HSPB2: variants seen among roughly 807,000 people sequenced by gnomAD.
The protein encoded by HSPB2 is heat shock protein beta-2.
Under a neutral mutation model 14.1 loss-of-function variants are expected in HSPB2, and 14 were observed. The observed-to-expected ratio is 0.99, with a 90% CI of 0.66 to 1.55. The LOEUF is 1.55. HSPB2 is among the 40% of genes most tolerant of loss of function. The pLI is 0.00. For synonymous variants in HSPB2, 110 were observed against 103.4 expected (o/e 1.06, Z -0.39); for missense variants, 242 against 241.7 (o/e 1.00, Z -0.01).
At position 111,913,485 on chromosome 11, in the gene HSPB2, T is replaced by C. The variant is rs1965536474; in HGVS notation, c.139T>C (p.Tyr47His). The C allele has an allele frequency of 6.2e-7, 1 of 1,612,928 alleles. No homozygotes were observed. Among genetic ancestry groups the C allele is most frequent in the African/African-American group, 1.3e-5 (1 of 74,924 alleles). The change falls in exon 2 of 2, where the codon TAC becomes CAC. Residue 47 changes from tyrosine (Y) to histidine (H), a missense_variant. By Grantham distance (83) the Tyr-to-His change is moderately conservative. Coordinates refer to ENST00000304298, the MANE Select transcript of HSPB2 (RefSeq NM_001541.4). ...EILTPTLYHGYYVRPRAAPAG... is the reference protein window; with the variant it reads ...EILTPTLYHGHYVRPRAAPAG... ...CCTGACCCCCACACTCTACCATGGC[T>C]ACTATGTCCGGCCTCGGGCCGCCCC...
Position 111,912,785 on chromosome 11 carries a change from G to C in HSPB2, c.-45G>C. The C allele has an allele frequency of 6.7e-7, 1 of 1,500,188 alleles. No individual in the cohort carries two copies. The highest frequency in any genetic ancestry group is 9.1e-7 in the Non-Finnish European group (1 of 1,098,174). 92.9% of individuals were successfully genotyped at this position (1,500,188 alleles called of 1,614,324 possible). ...CAGCTGGAGGGGTCGCGCTGCGCCTGTTGGGGCTGCACCTCGGACCAGGGC... is the reference window on the plus strand; with the variant it reads ...CAGCTGGAGGGGTCGCGCTGCGCCTCTTGGGGCTGCACCTCGGACCAGGGC... On this transcript the variant is annotated 5_prime_UTR_variant, in exon 1 of 2. Transcript: ENST00000304298.
In HSPB2 at chr11:111,913,727, C is replaced by A; in HGVS notation, c.381C>A (p.Val127=). Residue 127 remains valine (V), a synonymous_variant, in exon 2 of 2, where the codon GTC becomes GTA. Coordinates refer to ENST00000304298, the MANE Select transcript of HSPB2 (RefSeq NM_001541.4). ...GCACCTATGTCCTGCCTGCTGATGTCGACCCCTGGCGAGTCCGAGCTGCTC... is the reference window on the plus strand; with the variant it reads ...GCACCTATGTCCTGCCTGCTGATGTAGACCCCTGGCGAGTCCGAGCTGCTC... The part of the protein sequence containing the change: ...FCRTYVLPAD[V]DPWRVRAALS... 6.2e-7 allele frequency: 1 copy of A among 1,614,114 alleles called. No individual in the cohort carries two copies. The highest frequency in any genetic ancestry group is 1.1e-5 in the South Asian group (1 of 91,078).
intron 1 of HSPB2, 84 bp from the exon 2 acceptor site, chr11:111,913,357 C>A: frequency 1.9e-6 from 2 of 1,066,038 alleles, no homozygotes; most frequent in Non-Finnish European, 2.8e-6. Flanking sequence ...TCTTCCCAAT[C>A]CCTCCTCTCC....
At position 111,913,965 on chromosome 11, in the gene HSPB2, T is replaced by C. The variant is rs951474582; in HGVS notation, c.*70T>C. ...GGTGATATGGGCAGCTGCCCACCAC[T>C]CCAGAGGTAGCAGCATCCTTGGGGG... On this transcript the variant is annotated 3_prime_UTR_variant, in exon 2 of 2. Coordinates refer to ENST00000304298, the MANE Select transcript of HSPB2 (RefSeq NM_001541.4). 26 of 1,324,336 alleles carry C rather than the reference T, an allele frequency of 2.0e-5. No individual in the cohort carries two copies. Among genetic ancestry groups the C allele is most frequent in the Non-Finnish European group, 2.7e-5 (26 of 964,238 alleles). 82.0% of individuals were successfully genotyped at this position (1,324,336 alleles called of 1,614,324 possible). A position where few individuals can be genotyped will look rare whatever the true frequency, so the allele number is the denominator to read the frequency against.
chr11:111,913,175 C>G (rs1965525164), intron 1 of HSPB2: 2 of 604,148 alleles, frequency 3.3e-6, no homozygotes, highest in African/African-American at 1.9e-5. Context: ...TCCTTGTCCC[C>G]CTTCTATCCA....
intron 1 of HSPB2, 29 bp from the exon 2 acceptor site, chr11:111,913,412 C>A: frequency 6.4e-7 from 1 of 1,552,114 alleles, no homozygotes; most frequent in Non-Finnish European, 8.8e-7. Context: ...CTCCCTCATC[C>A]TGCCTCTTGC....
rs781972879 is a variant in HSPB2, at chr11:111,912,891, C to T, written c.62C>T (p.Pro21Leu). 3.1e-6 allele frequency: 5 copies of T among 1,609,422 alleles called. No individual in the cohort carries two copies. In the Admixed American group the frequency reaches 8.4e-5, roughly 27 times the overall value. ...ACCGCCGAGTACGAATTTGCCAACC[C>T]GAGCCGCCTGGGTGAGCAGCGCTTC... ...PATAEYEFAN[P>L]SRLGEQRFGE... The change falls in exon 1 of 2, where the codon CCG becomes CTG. Residue 21 changes from proline to leucine, a missense_variant. Pro to Leu is a moderately conservative substitution (Grantham distance 98). Transcript: ENST00000304298.
rs1168952437 is a variant in HSPB2 at position 111,914,038 on chromosome 11, A to G, written c.*143A>G. 6.6e-6 allele frequency: 5 copies of G among 757,680 alleles called. No individual in the cohort carries two copies. The African/African-American group carries it at 8.8e-5, about 13-fold the overall frequency. The allele number at this position is 757,680 out of a possible 1,614,324, so 46.9% of individuals were successfully genotyped here. ...AATGTATGGTTTGGTCCCATGGGAC[A>G]TGTCATAGCCTTGGTTTAGTTTTGG... On this transcript the variant is annotated 3_prime_UTR_variant, in exon 2 of 2. Coordinates refer to ENST00000304298, the MANE Select transcript of HSPB2 (RefSeq NM_001541.4).
intron 1 of HSPB2, 78 bp from the exon 2 acceptor site, chr11:111,913,363 T>G (rs1555165837): frequency 6.2e-6 from 7 of 1,124,168 alleles, no homozygotes; most frequent in Non-Finnish European, 7.8e-6. Context: ...CAATCCCTCC[T>G]CTCCAGATTT....
Position 111,914,031 on chromosome 11 carries a change from A to G in HSPB2, c.*136A>G. ...GGTCCACAATGTATGGTTTGGTCCC[A>G]TGGGACATGTCATAGCCTTGGTTTA... On this transcript the variant is annotated 3_prime_UTR_variant, in exon 2 of 2. Transcript: ENST00000304298. 1.3e-6 allele frequency: 1 copy of G among 795,808 alleles called. No individual in the cohort carries two copies. Among genetic ancestry groups the G allele is most frequent in the East Asian group, 2.7e-5 (1 of 37,302 alleles). The allele number at this position is 795,808 out of a possible 1,614,324, so 49.3% of individuals were successfully genotyped here.
intron 1 of HSPB2, 36 bp from the exon 2 acceptor site, chr11:111,913,405 C>T (rs1847640208): frequency 1.3e-6 from 2 of 1,521,542 alleles, no homozygotes; most frequent in South Asian, 1.2e-5. Context: ...CCTCATCCTC[C>T]CTCATCCTGC....
In HSPB2 at chr11:111,913,891, C is replaced by T. The variant is rs782198420; in HGVS notation, c.545C>T (p.Pro182Leu). The T allele has an allele frequency of 1.2e-6, 2 of 1,604,242 alleles. No homozygotes were observed. Among genetic ancestry groups the T allele is most frequent in the East Asian group, 2.2e-5 (1 of 44,808 alleles). The change falls in exon 2 of 2, where the codon CCC becomes CTC. Residue 182 changes from proline to leucine, a missense_variant. By Grantham distance (98) the Pro-to-Leu change is moderately conservative. Transcript: ENST00000304298. Reference protein sequence around the residue: ...EEEEEAAIVEP With the variant: ...EEEEEAAIVEL The stretch of plus-strand genomic sequence containing the variant: ...GAGGAGGAGGCAGCCATAGTTGAGC[C>T]CTGATTGCCACAGACCCAGCACCCA...
In HSPB2 at chr11:111,913,848, C is replaced by T. The variant is rs1555165921; in HGVS notation, c.502C>T (p.Pro168Ser). The T allele has an allele frequency of 3.1e-6, 5 of 1,613,622 alleles. No homozygotes were observed. The South Asian group carries it at 4.4e-5, about 14-fold the overall frequency. The change falls in exon 2 of 2, where the codon CCT (proline) becomes TCT (serine). Residue 168 changes from proline (P) to serine (S), a missense_variant. By Grantham distance (74) the Pro-to-Ser change is moderately conservative (BLOSUM62 -1). Coordinates refer to ENST00000304298, the MANE Select transcript of HSPB2 (RefSeq NM_001541.4). ...GGTCTACATCTCCCTGCTCCCTGCG[C>T]CTCCTGATCCAGAGGAAGAGGAGGA... ...NEVYISLLPAPPDPEEEEEAA... is the reference protein window; with the variant it reads ...NEVYISLLPASPDPEEEEEAA...
In HSPB2 at chr11:111,912,735, T is replaced by G; in HGVS notation, c.-95T>G. Reference sequence around the variant, plus strand: ...GGGTGGTGTCGACCCCGCCCCCACCTCCTATCGAGCCCTGGCTCTCCGGGC... The same window carrying G: ...GGGTGGTGTCGACCCCGCCCCCACCGCCTATCGAGCCCTGGCTCTCCGGGC... On this transcript the variant is annotated 5_prime_UTR_variant, in exon 1 of 2. Coordinates refer to ENST00000304298, the MANE Select transcript of HSPB2 (RefSeq NM_001541.4). 5 of 313,678 alleles carry G rather than the reference T, an allele frequency of 1.6e-5. No homozygotes were observed. The highest frequency in any genetic ancestry group is 1.0e-5 in the Non-Finnish European group (2 of 200,380). The allele number at this position is 313,678 out of a possible 1,614,324, so 19.4% of individuals were successfully genotyped here. A position where few individuals can be genotyped will look rare whatever the true frequency, so the allele number is the denominator to read the frequency against.
In HSPB2 at chr11:111,913,222, T is replaced by C; in HGVS notation, c.95-219T>C. The C allele has an allele frequency of 5.4e-6, 3 of 555,192 alleles. No homozygotes were observed. The South Asian group carries it at 6.1e-5, about 11-fold the overall frequency. 34.4% of individuals were successfully genotyped at this position (555,192 alleles called of 1,614,324 possible). A position where few individuals can be genotyped will look rare whatever the true frequency, so the allele number is the denominator to read the frequency against. On this transcript the variant is annotated intron_variant, in intron 1 of 1. Coordinates refer to ENST00000304298, the MANE Select transcript of HSPB2 (RefSeq NM_001541.4). Reference sequence around the variant, plus strand: ...TGGTGCCTCCTCCTCCTCCCCCTCCTCCTCCTTCTCCTCCTCCTCCTCCCT... The same window carrying C: ...TGGTGCCTCCTCCTCCTCCCCCTCCCCCTCCTTCTCCTCCTCCTCCTCCCT...
chr11:111,913,226 CCTT>C, intron 1 of HSPB2: 1 of 607,326 alleles, frequency 1.6e-6, no homozygotes, highest in Non-Finnish European at 2.9e-6. Context: ...CCCTCCTCCT[CCTT>C]CTCCTCCTCC....
intron 1 of HSPB2, 101 bp downstream of exon 1, chr11:111,913,024 T>C: frequency 1.2e-6 from 1 of 827,456 alleles, no homozygotes; most frequent in Non-Finnish European, 1.9e-6. Context: ...TGGGCTTAAC[T>C]GATCTCCTGG....
chr11:111,913,321 C>G, intron 1 of HSPB2, 120 bp from the exon 2 acceptor site: 1 of 767,266 alleles, frequency 1.3e-6, no homozygotes, highest in East Asian at 2.4e-5. Flanking sequence ...CCTCCCGTTC[C>G]CTACTCCTCC....
Position 111,913,793 on chromosome 11 carries a change from T to C in HSPB2, c.447T>C (p.Gly149=). 6.2e-7 allele frequency: 1 copy of C among 1,614,046 alleles called. No homozygotes were observed. The highest frequency in any genetic ancestry group is 8.5e-7 in the Non-Finnish European group (1 of 1,180,002). The change falls in exon 2 of 2, where the codon GGT becomes GGC. Residue 149 remains glycine, a synonymous_variant. Coordinates refer to ENST00000304298, the MANE Select transcript of HSPB2 (RefSeq NM_001541.4). ...DGILNLEAPR[G]GRHLDTEVNE... ...TCTTAAACCTGGAAGCACCTCGGGG[T>C]GGCCGACATTTGGACACAGAGGTCA...
Sources: allele counts gnomAD v4.1 joint callset, GRCh38; gene constraint gnomAD v4.1.1; transcripts MANE v1.5; gene names NCBI Gene and HGNC (gene_info 2026-07-23, HGNC 2026-07-21).